Variants in CKAP5 observed in about 807,000 individuals in gnomAD.
CKAP5 encodes the protein cytoskeleton associated protein 5, also known as cytoskeleton-associated protein 5.
In CKAP5, 27 loss-of-function variants were observed where a neutral mutation model predicts 232.8. That is an observed-to-expected ratio of 0.12 (90% CI 0.09 to 0.16). The LOEUF is 0.16. CKAP5 is among the 10% of genes least tolerant of loss of function. The probability of loss-of-function intolerance (pLI) is 1.00; values close to 1 mark genes in which losing one functional copy is unlikely to be tolerated. For missense variants in CKAP5, 1,838 were observed against 2,424.7 expected, an observed-to-expected ratio of 0.76 and a Z score of 5.08; for synonymous variants, 785 against 841.1, an observed-to-expected ratio of 0.93 and a Z score of 1.16.
intron 27 of CKAP5, among the ~76,000 whole-genome samples, chr11:46,767,009 G>A (rs2065207375): frequency 6.7e-6 from 1 of 150,268 alleles, no homozygotes; most frequent in Non-Finnish European, 1.5e-5. Flanking sequence ...TATTATGCCA[G>A]AGCTACAAAT....
At chr11:46,752,175 TATATATATATATATATATAC>T (rs1419387074) in intron 38 of CKAP5, among the ~76,000 whole-genome samples, 50 of 39,538 alleles carry the variant, frequency 1.3e-3, no homozygotes, top group African/African-American at 4.3e-3. Flanking sequence ...TATATATATA[TATATATATATATATATATAC>T]ACACACACAC....
chr11:46,775,138 T>A lies in CKAP5; in HGVS notation c.2991+1117A>T, dbSNP rs543410915. On this transcript the variant is annotated intron_variant, in intron 24 of 43. Coordinates refer to ENST00000529230, the MANE Select transcript of CKAP5 (RefSeq NM_001008938.4). ...GCTACAAGGAACTTAAACAAATTTATAAGAAAAAAACAAACAACCCCATCA... is the reference window on the plus strand; with the variant it reads ...GCTACAAGGAACTTAAACAAATTTAAAAGAAAAAAACAAACAACCCCATCA... Among the ~76,000 whole-genome samples, 6 of 151,986 alleles carry A rather than the reference T, an allele frequency of 3.9e-5. No homozygotes were observed. The East Asian group carries it at 1.2e-3, about 29-fold the overall frequency.
At chr11:46,781,166 A>G (rs1455130167) in intron 18 of CKAP5, among the ~76,000 whole-genome samples, 4 of 152,168 alleles carry the variant, frequency 2.6e-5, no homozygotes, top group Non-Finnish European at 4.4e-5. Context: ...AGAGTCTTCT[A>G]CACCTCAGTA....
intron 4 of CKAP5, among the ~76,000 whole-genome samples, chr11:46,811,715 G>A (rs1212274142): frequency 6.6e-6 from 1 of 152,050 alleles, no homozygotes; most frequent in Admixed American, 6.6e-5. Flanking sequence ...GACTTCAGGT[G>A]ATCCACCCGC....
At chr11:46,817,094 G>A (rs140751594) in intron 3 of CKAP5, among the ~76,000 whole-genome samples, 14 of 149,134 alleles carry the variant, frequency 9.4e-5, no homozygotes, top group African/African-American at 2.9e-4. Context: ...CAACAAGTAC[G>A]AAACTGTGTA....
intron 2 of CKAP5, chr11:46,820,494 C>T (rs6485696): frequency 0.51 from 77,657 of 151,976 alleles, 23,048 homozygotes; most frequent in South Asian, 0.67. Flanking sequence ...TCAAAACAAA[C>T]TTTAAAAGAA....
rs751726622 is a variant in CKAP5, at chr11:46,744,026, T to C, written c.6096A>G (p.Lys2032=). The C allele has an allele frequency of 6.2e-7, 1 of 1,612,696 alleles. No homozygotes were observed. The highest frequency in any genetic ancestry group is 1.1e-5 in the South Asian group (1 of 91,016). Residue 2032 remains lysine (K), a synonymous_variant, in exon 44 of 44, where the codon AAA becomes AAG. Transcript: ENST00000529230. Reference sequence around the variant, plus strand: ...GTGCCGGGGGAGTGGGGCAGCTTCATTTGCGACTGCTCTTTATTCTCTCCA... The same window carrying C: ...GTGCCGGGGGAGTGGGGCAGCTTCACTTGCGACTGCTCTTTATTCTCTCCA... The part of the protein sequence containing the change: ...KRLERIKSSR[K]
chr11:46,801,127 A>G (rs1446153230), intron 9 of CKAP5, 73 bp downstream of exon 9: 2 of 1,052,564 alleles, frequency 1.9e-6, no homozygotes, highest in African/African-American at 3.1e-5. Flanking sequence ...GTTGTTTTAA[A>G]GCAAACAGCA....
chr11:46,821,669 C>T (rs376150152), intron 1 of CKAP5, among the ~76,000 whole-genome samples: 4 of 152,006 alleles, frequency 2.6e-5, no homozygotes, highest in African/African-American at 9.6e-5. Flanking sequence ...GTGATCCACC[C>T]GCCTCGGCCT....
At chr11:46,787,629 A>G (rs1459108707) in intron 16 of CKAP5, among the ~76,000 whole-genome samples, 3 of 152,192 alleles carry the variant, frequency 2.0e-5, no homozygotes, top group Non-Finnish European at 4.4e-5. Context: ...TAAAAAAGCT[A>G]TCTCACTGTT....
At chr11:46,840,289 T>C (rs1940020341) in intron 1 of CKAP5, among the ~76,000 whole-genome samples, 1 of 151,860 alleles carries the variant, frequency 6.6e-6, no homozygotes. Context: ...AGTAAATTGT[T>C]TGACAGATAA....
chr11:46,838,236 T>A (rs56356278), intron 1 of CKAP5, among the ~76,000 whole-genome samples: 18,532 of 152,114 alleles, frequency 0.12, 1,174 homozygotes, highest in Non-Finnish European at 0.15. Flanking sequence ...AAAATTTTTT[T>A]AAAAAATTCA....
chr11:46,763,561 A>T lies in CKAP5; in HGVS notation c.3607T>A (p.Cys1203Ser). 1.2e-6 allele frequency: 2 copies of T among 1,604,784 alleles called. No individual in the cohort carries two copies. The highest frequency in any genetic ancestry group is 2.2e-5 in the South Asian group (2 of 89,950). ...TCATCTTGTAACCATTTAGCCACAC[A>T]GCTAGACATTTGAGTCTTTAGTTGC... ...IEQLKTQMSS[C>S]VAKWLQDEMF... is the part of the protein sequence containing the mutation. Residue 1203 changes from cysteine to serine, a missense_variant, in exon 29 of 44, where the codon TGT becomes AGT. Around this residue, in one of 6 missense-constraint regions of CKAP5, gnomAD observed 767 missense variants for 954.6 expected, o/e 0.80. Transcript: ENST00000529230.
chr11:46,775,246 T>C (rs549201961), intron 24 of CKAP5, among the ~76,000 whole-genome samples: 3 of 152,344 alleles, frequency 2.0e-5, no homozygotes, highest in East Asian at 3.9e-4. Context: ...AGATCATCAC[T>C]GGTCATTAGA....
chr11:46,792,072 T>C (rs1188890257), intron 13 of CKAP5, among the ~76,000 whole-genome samples: 1 of 152,204 alleles, frequency 6.6e-6, no homozygotes, highest in Admixed American at 6.5e-5. Flanking sequence ...TTCACAGTAA[T>C]AACCCCATAA....
chr11:46,782,919 G>A (rs779536561), intron 18 of CKAP5, among the ~76,000 whole-genome samples: 2 of 152,222 alleles, frequency 1.3e-5, no homozygotes, highest in African/African-American at 2.4e-5. Context: ...TCTATTGCAG[G>A]ATTTCTGACA....
At position 46,811,054 on chromosome 11, in the gene CKAP5, T is replaced by C. The variant is rs770331121; in HGVS notation, c.583A>G (p.Ile195Val). 6.2e-7 allele frequency: 1 copy of C among 1,614,094 alleles called. No homozygotes were observed. Among genetic ancestry groups the C allele is most frequent in the South Asian group, 1.1e-5 (1 of 91,080 alleles). Residue 195 changes from isoleucine (I) to valine (V), a missense_variant, in exon 5 of 44, where the codon ATT (isoleucine) becomes GTT (valine). Physicochemically the swap from Ile to Val is conservative, Grantham distance 29. Transcript: ENST00000529230. Reference protein sequence around the residue: ...KLIAVEIYRWIRDALRPPLQN... With the variant: ...KLIAVEIYRWVRDALRPPLQN... ...AATGGGGGTCTCAGAGCATCCCGAA[T>C]CCATCTGTAAATCTCCACAGCAATT...
chr11:46,831,038 C>G (rs1442986874), intron 1 of CKAP5, among the ~76,000 whole-genome samples: 7 of 152,044 alleles, frequency 4.6e-5, no homozygotes, highest in Non-Finnish European at 1.0e-4. Context: ...GCACTCCAGG[C>G]TGGGCAACAA....
chr11:46,745,054 T>C (rs1379708527), intron 42 of CKAP5, among the ~76,000 whole-genome samples: 1 of 152,136 alleles, frequency 6.6e-6, no homozygotes, highest in African/African-American at 2.4e-5. Flanking sequence ...AGAGAAGGTG[T>C]CCAACAATTA....
Sources: gnomAD v4.1 joint callset for allele counts (sites outside exome capture counted in the v4.1 genomes callset) on GRCh38, gnomAD v4.1.1 for gene constraint, gnomAD v4.1.1 regional missense constraint, MANE v1.5 for transcripts, NCBI Gene and HGNC (gene_info 2026-07-23, HGNC 2026-07-21) for gene names.